The following NKAIN3 variants were observed in gnomAD, a reference collection of about 807,000 sequenced individuals.
NKAIN3 encodes the protein sodium/potassium transporting ATPase interacting 3.
NKAIN3 carries 25 observed loss-of-function variants against 30.2 expected under a neutral mutation model. The ratio of observed to expected loss-of-function variants is 0.83; its 90% confidence interval spans 0.60 to 1.16. The LOEUF (loss-of-function observed/expected upper bound fraction) is 1.16. Among genes scored for constraint, NKAIN3 ranks in the 50% most tolerant of loss-of-function variants. The pLI is 0.00. For missense variants in NKAIN3, 225 were observed against 254.1 expected, an observed-to-expected ratio of 0.89 and a Z score of 0.78; for synonymous variants, 91 against 89.6, an observed-to-expected ratio of 1.02 and a Z score of -0.09.
At chr8:62,927,131 T>A (rs1822473717) in intron 5 of NKAIN3, among the ~76,000 whole-genome samples, 1 of 152,140 alleles carries the variant, frequency 6.6e-6, no homozygotes, top group African/African-American at 2.4e-5. Flanking sequence ...TCCCTCCACA[T>A]CCCAGCTTCT....
intron 1 of NKAIN3, among the ~76,000 whole-genome samples, chr8:62,572,927 AT>A (rs947917089): frequency 3.3e-5 from 5 of 152,152 alleles, no homozygotes; most frequent in African/African-American, 4.8e-5. Flanking sequence ...AGGCACTCCC[AT>A]TTGTCTCTAT....
intron 4 of NKAIN3, among the ~76,000 whole-genome samples, chr8:62,871,650 C>T (rs763346971): frequency 6.6e-6 from 1 of 152,202 alleles, no homozygotes; most frequent in Non-Finnish European, 1.5e-5. Flanking sequence ...GGGGGCCAAG[C>T]CCAAGGAAGA....
chr8:62,759,978 TA>T (rs1340806938), intron 4 of NKAIN3, among the ~76,000 whole-genome samples: 1 of 152,072 alleles, frequency 6.6e-6, no homozygotes, highest in Non-Finnish European at 1.5e-5. Context: ...TATGAACAGA[TA>T]CTTCTCAAAA....
intron 1 of NKAIN3, among the ~76,000 whole-genome samples, chr8:62,390,622 T>TA (rs1817561228): frequency 6.6e-6 from 1 of 152,224 alleles, no homozygotes; most frequent in African/African-American, 2.4e-5. Flanking sequence ...ATCACTACAC[T>TA]GTGTTCCACA....
chr8:62,619,987 C>T (rs1811574040), intron 3 of NKAIN3, among the ~76,000 whole-genome samples: 1 of 152,144 alleles, frequency 6.6e-6, no homozygotes, highest in Non-Finnish European at 1.5e-5. Context: ...TAATGAAACA[C>T]AGATTAACGA....
At chr8:62,674,024 G>T (rs1339760021) in intron 3 of NKAIN3, among the ~76,000 whole-genome samples, 2 of 152,158 alleles carry the variant, frequency 1.3e-5, no homozygotes. Flanking sequence ...TGGTGTGTTG[G>T]CAGGGAGGGG....
chr8:62,810,959 A>G (rs1370986846), intron 4 of NKAIN3, among the ~76,000 whole-genome samples: 2 of 152,130 alleles, frequency 1.3e-5, no homozygotes, highest in African/African-American at 4.8e-5. Flanking sequence ...TACAACCAGG[A>G]TATTGACGTT....
At chr8:62,999,136 T>C (rs1189263819) in intron 5 of NKAIN3, 1 of 152,172 alleles carries the variant, frequency 6.6e-6, no homozygotes, top group Admixed American at 6.5e-5. Context: ...AGATGTATGG[T>C]GTGTTAGTCT....
At chr8:62,276,186 C>T (rs866987797) in intron 1 of NKAIN3, among the ~76,000 whole-genome samples, 3 of 152,128 alleles carry the variant, frequency 2.0e-5, no homozygotes, top group African/African-American at 7.2e-5. Context: ...TTGCCTCAGC[C>T]TCCTTAGTAG....
intron 1 of NKAIN3, among the ~76,000 whole-genome samples, chr8:62,489,938 AG>A (rs1333201445): frequency 1.3e-5 from 2 of 152,224 alleles, no homozygotes; most frequent in African/African-American, 4.8e-5. Flanking sequence ...GATAAATTTA[AG>A]GTATCTGAGC....
chr8:62,493,359 C>G (rs1807133612), intron 1 of NKAIN3, among the ~76,000 whole-genome samples: 1 of 152,030 alleles, frequency 6.6e-6, no homozygotes, highest in Non-Finnish European at 1.5e-5. Flanking sequence ...TATTTGGGCT[C>G]TCTATTCTGC....
intron 3 of NKAIN3, among the ~76,000 whole-genome samples, chr8:62,683,020 TG>T (rs1396909038): frequency 6.7e-6 from 1 of 149,234 alleles, no homozygotes; most frequent in Non-Finnish European, 1.5e-5. Flanking sequence ...TTTGTTTGTT[TG>T]TTTTTTTGTT....
intron 3 of NKAIN3, among the ~76,000 whole-genome samples, chr8:62,652,646 T>G (rs1021898730): frequency 2.0e-5 from 3 of 152,204 alleles, no homozygotes; most frequent in African/African-American, 7.2e-5. Context: ...TATACCAGCT[T>G]GCTGGTTGCT....
At chr8:62,919,266 A>G (rs1170623496) in intron 5 of NKAIN3, among the ~76,000 whole-genome samples, 1 of 29,998 alleles carries the variant, frequency 3.3e-5, no homozygotes, top group African/African-American at 2.0e-4. Flanking sequence ...TTTTTTTGAG[A>G]CGGAGTCTCC....
intron 3 of NKAIN3, among the ~76,000 whole-genome samples, chr8:62,741,577 A>G (rs1815893092): frequency 6.6e-6 from 1 of 152,192 alleles, no homozygotes; most frequent in South Asian, 2.1e-4. Flanking sequence ...AACAACCTGT[A>G]TTAAACTAAC....
intron 1 of NKAIN3, among the ~76,000 whole-genome samples, chr8:62,494,513 C>T (rs368974707): frequency 1.8e-4 from 27 of 152,178 alleles, no homozygotes; most frequent in South Asian, 6.2e-4. Flanking sequence ...GTTTTGGTTT[C>T]GGGATGATGC....
intron 1 of NKAIN3, among the ~76,000 whole-genome samples, chr8:62,527,322 A>G (rs1808335353): frequency 6.6e-6 from 1 of 152,226 alleles, no homozygotes; most frequent in Non-Finnish European, 1.5e-5. Context: ...ATTGTTGAAA[A>G]TAAAAAATAA....
chr8:62,726,566 T>A (rs1815266171), intron 3 of NKAIN3, among the ~76,000 whole-genome samples: 1 of 152,104 alleles, frequency 6.6e-6, no homozygotes, highest in Non-Finnish European at 1.5e-5. Flanking sequence ...ATGGTTTTTA[T>A]CCTTCATTCT....
intron 1 of NKAIN3, among the ~76,000 whole-genome samples, chr8:62,568,718 G>C (rs1308706577): frequency 1.3e-5 from 2 of 152,110 alleles, no homozygotes; most frequent in Non-Finnish European, 2.9e-5. Flanking sequence ...TGTTTTCTGA[G>C]ATCCCATATT....
Sources: allele counts gnomAD v4.1 joint callset (sites outside exome capture counted in the v4.1 genomes callset), GRCh38; gene constraint gnomAD v4.1.1; transcripts MANE v1.5; gene names NCBI Gene and HGNC (gene_info 2026-07-23, HGNC 2026-07-21).